Variants in H2AJ observed in about 807,000 individuals in gnomAD.
H2AJ encodes H2A.J histone.
H2AJ carries 3 observed loss-of-function variants against 7.9 expected under a neutral mutation model. That is an observed-to-expected ratio of 0.38 (90% CI 0.17 to 0.98). The LOEUF is 0.98. Ranked by LOEUF, H2AJ falls within the 50% of genes least tolerant of loss-of-function variation. The probability of loss-of-function intolerance (pLI) is 0.39; values close to 1 mark genes in which losing one functional copy is unlikely to be tolerated. For synonymous variants in H2AJ, 98 were observed against 85.7 expected, an observed-to-expected ratio of 1.14 and a Z score of -0.79; for missense variants, 128 against 174.4, an observed-to-expected ratio of 0.73 and a Z score of 1.50.
In H2AJ at chr12:14,774,433, T is replaced by C; in HGVS notation, c.-38T>C. ...TTCCGGTACCGGACGCCGAGAGCGG[T>C]TTGTCTCCGTCTCTGGAGTTGTAGG... is the stretch of plus-strand genomic sequence containing the variant. On this transcript the variant is annotated 5_prime_UTR_variant, in exon 1 of 1. Transcript: ENST00000544848. 6.6e-7 allele frequency: 1 copy of C among 1,523,926 alleles called. No individual in the cohort carries two copies. The highest frequency in any genetic ancestry group is 8.8e-7 in the Non-Finnish European group (1 of 1,137,402). 94.4% of individuals were successfully genotyped at this position (1,523,926 alleles called of 1,614,324 possible).
rs1949605418 is a variant in H2AJ at position 14,774,644 on chromosome 12, C to T, written c.174C>T (p.Tyr58=). 7 of 1,614,102 alleles carry T rather than the reference C, an allele frequency of 4.3e-6. No individual in the cohort carries two copies. Among genetic ancestry groups the T allele is most frequent in the Non-Finnish European group, 5.9e-6 (7 of 1,180,002 alleles). Residue 58 remains tyrosine (Y), a synonymous_variant, in exon 1 of 1, where the codon TAC becomes TAT. Transcript: ENST00000544848. The part of the protein sequence containing the change: ...APVYLAAVLE[Y]LTAEILELAG... ...TGTACCTGGCGGCGGTGTTGGAGTA[C>T]CTTACGGCGGAGATCCTGGAGCTGG...
chr12:14,777,042 A>T (rs1293653226), downstream of H2AJ: 1 of 164,598 alleles, frequency 6.1e-6, no homozygotes, highest in Non-Finnish European at 1.5e-5. Flanking sequence ...CCCCTCACAT[A>T]CTCTGCCTGC....
chr12:14,776,307 C>T (rs1327926032), downstream of H2AJ: 1 of 167,100 alleles, frequency 6.0e-6, no homozygotes, highest in Non-Finnish European at 1.5e-5. Context: ...TTTCCACTCT[C>T]TCGGAGCTCA....
At chr12:14,776,968 G>C (rs1371284953), downstream of H2AJ, 1 of 167,058 alleles carries the variant, frequency 6.0e-6, no homozygotes, top group Non-Finnish European at 1.5e-5. Flanking sequence ...GACAAGATAC[G>C]AGGCATTGTA....
In H2AJ at chr12:14,774,933, A is replaced by G; in HGVS notation, c.*73A>G. ...TCATGGTCGTCCCGCAATGCTTTTGAATGTGCTGGATGTCATGGAGGGCCG... is the reference window on the plus strand; with the variant it reads ...TCATGGTCGTCCCGCAATGCTTTTGGATGTGCTGGATGTCATGGAGGGCCG... On this transcript the variant is annotated 3_prime_UTR_variant, in exon 1 of 1. Coordinates refer to ENST00000544848, the MANE Select transcript of H2AJ (RefSeq NM_177925.5). 6.6e-7 allele frequency: 1 copy of G among 1,522,946 alleles called. No homozygotes were observed. The highest frequency in any genetic ancestry group is 8.9e-7 in the Non-Finnish European group (1 of 1,121,884). The allele number at this position is 1,522,946 out of a possible 1,614,324, so 94.3% of individuals were successfully genotyped here.
chr12:14,776,774 T>G (rs1018356511), downstream of H2AJ: 1 of 167,048 alleles, frequency 6.0e-6, no homozygotes, highest in East Asian at 1.9e-4. Flanking sequence ...ACAAAATGCA[T>G]ATATGGTTTT....
chr12:14,774,676 A>G lies in H2AJ; in HGVS notation c.206A>G (p.Asn69Ser), dbSNP rs201674611. 6.8e-5 allele frequency: 110 copies of G among 1,613,972 alleles called. No homozygotes were observed. The highest frequency in any genetic ancestry group is 1.8e-5 in the Non-Finnish European group (21 of 1,180,016). ...GCGGAGATCCTGGAGCTGGCTGGCA[A>G]CGCCGCGCGTGACAACAAGAAGACC... Reference protein sequence around the residue: ...LTAEILELAGNAARDNKKTRI... With the variant: ...LTAEILELAGSAARDNKKTRI... The change falls in exon 1 of 1, where the codon AAC becomes AGC. Residue 69 changes from asparagine (N) to serine (S), a missense_variant. Transcript: ENST00000544848.
chr12:14,776,766 A>G (rs1949645798), downstream of H2AJ: 1 of 167,118 alleles, frequency 6.0e-6, no homozygotes, highest in South Asian at 2.1e-4. Context: ...TCAGTGGAAC[A>G]AAATGCATAT....
In H2AJ at chr12:14,774,524, C is replaced by G; in HGVS notation, c.54C>G (p.Arg18=). 6.2e-7 allele frequency: 1 copy of G among 1,607,352 alleles called. No individual in the cohort carries two copies. The highest frequency in any genetic ancestry group is 1.1e-5 in the South Asian group (1 of 90,524). ...GGKVRAKAKS[R]SSRAGLQFPV... is the part of the protein sequence containing the mutation. ...AAGTGCGAGCAAAGGCCAAATCCCGCTCCTCCCGCGCGGGCCTGCAGTTCC... is the reference window on the plus strand; with the variant it reads ...AAGTGCGAGCAAAGGCCAAATCCCGGTCCTCCCGCGCGGGCCTGCAGTTCC... The change falls in exon 1 of 1, where the codon CGC becomes CGG. Residue 18 remains arginine (R), a synonymous_variant. Transcript: ENST00000544848.
Position 14,774,531 on chromosome 12 carries a change from C to A in H2AJ, c.61C>A (p.Arg21Ser), listed in dbSNP as rs763278044. Residue 21 changes from arginine to serine, a missense_variant, in exon 1 of 1, where the codon CGC (arginine) becomes AGC (serine). Arg to Ser is a moderately radical substitution (Grantham distance 110). Coordinates refer to ENST00000544848, the MANE Select transcript of H2AJ (RefSeq NM_177925.5). ...AGCAAAGGCCAAATCCCGCTCCTCC[C>A]GCGCGGGCCTGCAGTTCCCGGTGGG... ...VRAKAKSRSS[R>S]AGLQFPVGRV... The A allele has an allele frequency of 4.4e-6, 7 of 1,608,708 alleles. No homozygotes were observed. Among genetic ancestry groups the A allele is most frequent in the Middle Eastern group, 1.7e-4 (1 of 6,038 alleles).
downstream of H2AJ, chr12:14,776,493 TAGG>T (rs1208543263): frequency 6.0e-6 from 1 of 167,126 alleles, no homozygotes; most frequent in African/African-American, 2.4e-5. Flanking sequence ...ACACCTCTGT[TAGG>T]AGGCAAATTA....
downstream of H2AJ, chr12:14,775,191 T>G (rs1949619524): frequency 2.1e-6 from 1 of 480,236 alleles, no homozygotes; most frequent in South Asian, 1.7e-5. Context: ...GGCCTGGAGG[T>G]GGGCAGGGTG....
downstream of H2AJ, chr12:14,777,154 G>T (rs1461589226): frequency 6.0e-6 from 1 of 166,842 alleles, no homozygotes; most frequent in Non-Finnish European, 1.5e-5. Context: ...TACAAAATCA[G>T]CTCAGCCCAT....
At position 14,774,920 on chromosome 12, in the gene H2AJ, C is replaced by G. The variant is rs1356490901; in HGVS notation, c.*60C>G. On this transcript the variant is annotated 3_prime_UTR_variant, in exon 1 of 1. Coordinates refer to ENST00000544848, the MANE Select transcript of H2AJ (RefSeq NM_177925.5). ...GCAAAGGCCCTTTTCATGGTCGTCCCGCAATGCTTTTGAATGTGCTGGATG... is the reference window on the plus strand; with the variant it reads ...GCAAAGGCCCTTTTCATGGTCGTCCGGCAATGCTTTTGAATGTGCTGGATG... The G allele has an allele frequency of 6.4e-7, 1 of 1,558,796 alleles. No individual in the cohort carries two copies. The highest frequency in any genetic ancestry group is 1.9e-5 in the Admixed American group (1 of 53,120).
Position 14,774,674 on chromosome 12 carries a change from C to T in H2AJ, c.204C>T (p.Gly68=). 1 of 1,614,152 alleles carries T rather than the reference C, an allele frequency of 6.2e-7. No homozygotes were observed. Among genetic ancestry groups the T allele is most frequent in the Non-Finnish European group, 8.5e-7 (1 of 1,180,020 alleles). The change falls in exon 1 of 1, where the codon GGC becomes GGT. Residue 68 remains glycine (G), a synonymous_variant. Transcript: ENST00000544848. ...YLTAEILELA[G]NAARDNKKTR... ...CGGCGGAGATCCTGGAGCTGGCTGG[C>T]AACGCCGCGCGTGACAACAAGAAGA... is the stretch of plus-strand genomic sequence containing the variant.
chr12:14,775,465 C>T (rs1327100166), downstream of H2AJ: 1 of 470,842 alleles, frequency 2.1e-6, no homozygotes, highest in Non-Finnish European at 4.4e-6. Flanking sequence ...TGAGATTCTT[C>T]CTAGCCTAGT....
chr12:14,776,106 A>G (rs1187138565), downstream of H2AJ: 1 of 167,132 alleles, frequency 6.0e-6, no homozygotes, highest in Non-Finnish European at 1.5e-5. Flanking sequence ...CTTTGGATTC[A>G]TCTTTCCTGT....
Position 14,774,936 on chromosome 12 carries a change from G to GA in H2AJ, c.*76_*77insA. On this transcript the variant is annotated 3_prime_UTR_variant, in exon 1 of 1. Coordinates refer to ENST00000544848, the MANE Select transcript of H2AJ (RefSeq NM_177925.5). Reference sequence around the variant, plus strand: ...TGGTCGTCCCGCAATGCTTTTGAATGTGCTGGATGTCATGGAGGGCCGGTG... The same window carrying GA: ...TGGTCGTCCCGCAATGCTTTTGAATGATGCTGGATGTCATGGAGGGCCGGTG... 1 of 1,497,930 alleles carries GA rather than the reference G, an allele frequency of 6.7e-7. No individual in the cohort carries two copies. Among genetic ancestry groups the GA allele is most frequent in the Non-Finnish European group, 9.0e-7 (1 of 1,106,756 alleles). The allele number at this position is 1,497,930 out of a possible 1,614,324, so 92.8% of individuals were successfully genotyped here.
downstream of H2AJ, chr12:14,776,452 A>G (rs1949642308): frequency 6.0e-6 from 1 of 167,100 alleles, no homozygotes. Context: ...CCATGTTGCC[A>G]TTTTTGAGGT....
Sources: allele counts gnomAD v4.1 joint callset, GRCh38; gene constraint gnomAD v4.1.1; transcripts MANE v1.5; gene names NCBI Gene and HGNC (gene_info 2026-07-23, HGNC 2026-07-21).